IGSF21: variants seen among roughly 807,000 people sequenced by gnomAD.
IGSF21 encodes immunoglobulin superfamily member 21.
Under a neutral mutation model 46.8 loss-of-function variants are expected in IGSF21, and 28 were observed. The ratio of observed to expected loss-of-function variants is 0.60; its 90% CI spans 0.44 to 0.82. The LOEUF (loss-of-function observed/expected upper bound fraction) is 0.82, where lower values mean the gene tolerates loss of function less well. Among genes scored for constraint, IGSF21 ranks in the 40% least tolerant of loss-of-function variants. The probability of loss-of-function intolerance (pLI) is 0.00; values close to 1 mark genes in which losing one functional copy is unlikely to be tolerated. For synonymous variants in IGSF21, 284 were observed against 273.6 expected (o/e 1.04, Z -0.38); for missense variants, 624 against 665.5 (o/e 0.94, Z 0.69).
intron 2 of IGSF21, among the ~76,000 whole-genome samples, chr1:18,265,987 C>A (rs942807177): frequency 1.3e-5 from 2 of 152,118 alleles, no homozygotes; most frequent in Non-Finnish European, 2.9e-5. Flanking sequence ...TTTAATGCAG[C>A]CTTGATGAAG....
At chr1:18,330,330 G>A (rs2085699712) in intron 3 of IGSF21, among the ~76,000 whole-genome samples, 2 of 152,240 alleles carry the variant, frequency 1.3e-5, no homozygotes, top group Non-Finnish European at 2.9e-5. Context: ...GAAGTGGGGG[G>A]ATCCTGGCCA....
intron 2 of IGSF21, among the ~76,000 whole-genome samples, chr1:18,246,018 C>T (rs917842317): frequency 6.6e-6 from 1 of 152,232 alleles, no homozygotes; most frequent in African/African-American, 2.4e-5. Flanking sequence ...GATGCCCTTA[C>T]CCTGCAACCT....
chr1:18,267,400 G>A (rs1034345399), intron 2 of IGSF21, among the ~76,000 whole-genome samples: 1 of 152,184 alleles, frequency 6.6e-6, no homozygotes, highest in African/African-American at 2.4e-5. Flanking sequence ...TCATTTTCCA[G>A]TTCCTTGGCC....
intron 3 of IGSF21, among the ~76,000 whole-genome samples, chr1:18,324,654 G>A (rs1280716573): frequency 2.0e-5 from 3 of 152,216 alleles, no homozygotes; most frequent in Non-Finnish European, 4.4e-5. Flanking sequence ...AGCTATTAAA[G>A]GAATGGAGCT....
At chr1:18,179,694 G>C (rs1442767874) in intron 1 of IGSF21, among the ~76,000 whole-genome samples, 1 of 152,120 alleles carries the variant, frequency 6.6e-6, no homozygotes, top group African/African-American at 2.4e-5. Context: ...TGGTGAGGAG[G>C]GGTCGGCTTG....
intron 5 of IGSF21, among the ~76,000 whole-genome samples, chr1:18,363,594 G>T (rs552878773): frequency 1.2e-4 from 19 of 152,056 alleles, no homozygotes; most frequent in South Asian, 6.3e-4. Flanking sequence ...CACAGGTGGG[G>T]CAGTGGGCAG....
At chr1:18,268,267 G>GT (rs759710129) in intron 2 of IGSF21, among the ~76,000 whole-genome samples, 12 of 152,242 alleles carry the variant, frequency 7.9e-5, no homozygotes, top group Non-Finnish European at 1.2e-4. Context: ...CCTCCAGCCA[G>GT]TTAGTAGCAG....
At chr1:18,193,969 G>C (rs912357899) in intron 1 of IGSF21, among the ~76,000 whole-genome samples, 4 of 152,178 alleles carry the variant, frequency 2.6e-5, no homozygotes, top group Non-Finnish European at 5.9e-5. Context: ...ATCAGAAAAG[G>C]GTTGGACTAG....
intron 1 of IGSF21, among the ~76,000 whole-genome samples, chr1:18,135,025 A>G (rs1253210160): frequency 1.3e-5 from 2 of 152,196 alleles, no homozygotes; most frequent in Non-Finnish European, 2.9e-5. Flanking sequence ...TCCTCCTGTC[A>G]GCTTAGTGAG....
At chr1:18,273,010 A>G (rs2085057414) in intron 2 of IGSF21, among the ~76,000 whole-genome samples, 1 of 141,540 alleles carries the variant, frequency 7.1e-6, no homozygotes, top group African/African-American at 2.7e-5. Flanking sequence ...GGGCCCTCCA[A>G]TCCCTTCTCC....
At chr1:18,313,104 A>C (rs773560780) in intron 3 of IGSF21, among the ~76,000 whole-genome samples, 4 of 152,180 alleles carry the variant, frequency 2.6e-5, no homozygotes, top group Non-Finnish European at 5.9e-5. Flanking sequence ...TGGACCGAGC[A>C]GACCCGCCGG....
At chr1:18,269,992 C>G (rs2085027413) in intron 2 of IGSF21, among the ~76,000 whole-genome samples, 1 of 152,166 alleles carries the variant, frequency 6.6e-6, no homozygotes, top group African/African-American at 2.4e-5. Flanking sequence ...TGGAGGTAAC[C>G]TTCTAAGGAC....
intron 6 of IGSF21, 89 bp from the exon 7 acceptor site, chr1:18,376,221 A>T (rs1030455378): frequency 2.3e-6 from 2 of 881,062 alleles, no homozygotes; most frequent in East Asian, 2.4e-5. Flanking sequence ...GATCCCAAGG[A>T]TGTTGATTGC....
chr1:18,357,811 A>G (rs2086037060), intron 4 of IGSF21, among the ~76,000 whole-genome samples: 2 of 152,222 alleles, frequency 1.3e-5, no homozygotes, highest in East Asian at 3.9e-4. Flanking sequence ...ACATTTTCCT[A>G]GGACTCACTG....
intron 4 of IGSF21, among the ~76,000 whole-genome samples, chr1:18,360,440 A>G (rs1311735221): frequency 6.6e-6 from 1 of 151,966 alleles, no homozygotes. Flanking sequence ...TGTCGCCCCC[A>G]CCTGACTGTG....
At chr1:18,277,550 T>G (rs546570601) in intron 2 of IGSF21, among the ~76,000 whole-genome samples, 2 of 152,318 alleles carry the variant, frequency 1.3e-5, no homozygotes, top group Non-Finnish European at 2.9e-5. Context: ...ACGTGACTTT[T>G]TTTAAAAAAA....
intron 3 of IGSF21, among the ~76,000 whole-genome samples, chr1:18,298,345 T>C (rs2085331105): frequency 6.6e-6 from 1 of 152,194 alleles, no homozygotes; most frequent in Admixed American, 6.5e-5. Flanking sequence ...GTATTCAATA[T>C]ACCAAGGTGC....
intron 1 of IGSF21, chr1:18,112,100 G>A (rs938553873): frequency 3.3e-5 from 5 of 152,256 alleles, no homozygotes; most frequent in Non-Finnish European, 5.9e-5. Flanking sequence ...TGACTTCAAA[G>A]GCAGAGACCG....
Position 18,252,285 on chromosome 1 carries a change from G to A in IGSF21, c.183+24275G>A, listed in dbSNP as rs1020521033. ...AGGATGGTCTCGATCTCCTGACCTC[G>A]CGATCCACCCACCTCGGCCTCCCAA... On this transcript the variant is annotated intron_variant, in intron 2 of 9. Coordinates refer to ENST00000251296, the MANE Select transcript of IGSF21 (RefSeq NM_032880.5). Among the ~76,000 whole-genome samples, 5 of 151,944 alleles carry A rather than the reference G, an allele frequency of 3.3e-5. No homozygotes were observed. The East Asian group carries it at 5.8e-4, about 18-fold the overall frequency.
Sources: gnomAD v4.1 joint callset for allele counts (sites outside exome capture counted in the v4.1 genomes callset) on GRCh38, gnomAD v4.1.1 for gene constraint, MANE v1.5 for transcripts, NCBI Gene and HGNC (gene_info 2026-07-23, HGNC 2026-07-21) for gene names.